Variants in TECRL observed in about 807,000 individuals in gnomAD.
The protein encoded by TECRL is trans-2,3-enoyl-CoA reductase like.
Under a neutral mutation model 52.8 loss-of-function variants are expected in TECRL, and 63 were observed. That is an observed-to-expected ratio of 1.19 (90% confidence interval 0.97 to 1.47). The LOEUF (loss-of-function observed/expected upper bound fraction) is 1.47. Among genes scored for constraint, TECRL ranks in the 40% most tolerant of loss-of-function variants. The probability of loss-of-function intolerance (pLI) is 0.00; values close to 1 mark genes in which losing one functional copy is unlikely to be tolerated. For missense variants in TECRL, 482 were observed against 429.6 expected (o/e 1.12, Z -1.08); for synonymous variants, 164 against 141.9 (o/e 1.16, Z -1.10).
chr4:64,395,786 T>C (rs576757044), intron 1 of TECRL, among the ~76,000 whole-genome samples: 13 of 152,210 alleles, frequency 8.5e-5, no homozygotes, highest in Admixed American at 5.2e-4. Flanking sequence ...GTAATAAACA[T>C]AGTAGCCAAT....
intron 1 of TECRL, among the ~76,000 whole-genome samples, chr4:64,396,587 T>C (rs1723971747): frequency 6.6e-6 from 1 of 152,180 alleles, no homozygotes; most frequent in Non-Finnish European, 1.5e-5. Context: ...ACAAACACTT[T>C]CTTCCTTCCT....
chr4:64,308,012 C>G (rs1391759416), intron 6 of TECRL, among the ~76,000 whole-genome samples: 2 of 152,048 alleles, frequency 1.3e-5, no homozygotes, highest in Non-Finnish European at 2.9e-5. Flanking sequence ...CATGAGAATC[C>G]CTCTGCCTTT....
intron 2 of TECRL, among the ~76,000 whole-genome samples, chr4:64,374,307 G>A (rs1722218623): frequency 6.7e-6 from 1 of 150,340 alleles, no homozygotes; most frequent in Non-Finnish European, 1.5e-5. Flanking sequence ...TAAATTTTAG[G>A]TACATTCACC....
intron 2 of TECRL, among the ~76,000 whole-genome samples, chr4:64,356,436 A>C (rs967482406): frequency 1.3e-5 from 2 of 152,148 alleles, no homozygotes; most frequent in Non-Finnish European, 1.5e-5. Flanking sequence ...CAATTCTGAG[A>C]TAGGAGAAAA....
intron 2 of TECRL, among the ~76,000 whole-genome samples, chr4:64,356,736 A>C (rs1258287561): frequency 3.3e-5 from 5 of 152,308 alleles, no homozygotes; most frequent in East Asian, 3.9e-4. Flanking sequence ...CAGGTCCTCC[A>C]TATGCTAGGT....
intron 2 of TECRL, among the ~76,000 whole-genome samples, chr4:64,344,251 T>G (rs553802878): frequency 2.0e-5 from 3 of 152,162 alleles, no homozygotes; most frequent in East Asian, 3.9e-4. Context: ...TCTATTTATA[T>G]CTCTATATAA....
chr4:64,340,963 C>T (rs1719530684), intron 2 of TECRL, among the ~76,000 whole-genome samples: 1 of 152,146 alleles, frequency 6.6e-6, no homozygotes, highest in Non-Finnish European at 1.5e-5. Context: ...CTCCTTTTTG[C>T]TGAGAGCTTG....
chr4:64,374,625 T>C (rs2109677094), intron 2 of TECRL, among the ~76,000 whole-genome samples: 1 of 151,196 alleles, frequency 6.6e-6, no homozygotes, highest in South Asian at 2.1e-4. Flanking sequence ...TGTGTTCTCA[T>C]TGTTCAATTC....
chr4:64,373,064 T>C (rs888702216), intron 2 of TECRL, among the ~76,000 whole-genome samples: 1 of 151,736 alleles, frequency 6.6e-6, no homozygotes. Context: ...CTTTCAAAAA[T>C]TGGCAAATAC....
intron 2 of TECRL, among the ~76,000 whole-genome samples, chr4:64,372,549 C>T (rs1026118650): frequency 5.3e-5 from 8 of 151,508 alleles, no homozygotes; most frequent in Non-Finnish European, 1.0e-4. Flanking sequence ...CTTGGAAGAA[C>T]ATTAAGATTG....
At chr4:64,305,114 T>A (rs779211215) in intron 7 of TECRL, 52 bp downstream of exon 7, 2 of 1,334,464 alleles carry the variant, frequency 1.5e-6, no homozygotes, top group Middle Eastern at 1.9e-4. Flanking sequence ...TAGAATAGAG[T>A]TTTTAGGTTG....
At chr4:64,351,073 A>T (rs1200521843) in intron 2 of TECRL, among the ~76,000 whole-genome samples, 1 of 62,046 alleles carries the variant, frequency 1.6e-5, no homozygotes, top group Non-Finnish European at 4.4e-5. Flanking sequence ...TCTCACTCAT[A>T]TTTAGAAACT....
intron 4 of TECRL, among the ~76,000 whole-genome samples, chr4:64,317,700 G>A (rs181094975): frequency 1.4e-4 from 22 of 152,164 alleles, no homozygotes; most frequent in Admixed American, 5.9e-4. Context: ...ATATAATGGA[G>A]ATTTCTATTC....
chr4:64,286,535 A>T (rs1577800969), intron 9 of TECRL, among the ~76,000 whole-genome samples: 1 of 89,978 alleles, frequency 1.1e-5, no homozygotes, highest in South Asian at 4.2e-4. Context: ...TTTAGAACGT[A>T]AAAAAAAAAA....
intron 2 of TECRL, among the ~76,000 whole-genome samples, chr4:64,332,802 A>G (rs1187659421): frequency 6.6e-6 from 1 of 152,156 alleles, no homozygotes; most frequent in Non-Finnish European, 1.5e-5. Context: ...AAGCAAAGAG[A>G]GATAAATATG....
intron 8 of TECRL, among the ~76,000 whole-genome samples, chr4:64,292,091 T>C (rs1221122053): frequency 6.6e-6 from 1 of 151,984 alleles, no homozygotes; most frequent in African/African-American, 2.4e-5. Flanking sequence ...ATAATTTCCT[T>C]TTAGGTAAAG....
At chr4:64,299,376 T>C (rs1723873392) in intron 8 of TECRL, 1 of 151,106 alleles carries the variant, frequency 6.6e-6, no homozygotes, top group Admixed American at 6.6e-5. Flanking sequence ...TGAACACAGA[T>C]GAAAGCAAGG....
Position 64,309,848 on chromosome 4 carries a change from G to T in TECRL, c.635C>A (p.Thr212Lys). 6.2e-7 allele frequency: 1 copy of T among 1,609,242 alleles called. No individual in the cohort carries two copies. Among genetic ancestry groups the T allele is most frequent in the Non-Finnish European group, 8.5e-7 (1 of 1,175,966 alleles). Residue 212 changes from threonine (T) to lysine (K), a missense_variant, in exon 6 of 12, where the codon ACA becomes AAA. Physicochemically the swap from Thr to Lys is moderately conservative, Grantham distance 78. Transcript: ENST00000381210. ...LFVHKVSAGH[T>K]PLKNLIMSCA... Reference sequence around the variant, plus strand: ...CACCATTATCAAATTTTTCAAAGGTGTGTGTCCTGCAGAAACTTTGTGAAC... The same window carrying T: ...CACCATTATCAAATTTTTCAAAGGTTTGTGTCCTGCAGAAACTTTGTGAAC...
chr4:64,324,772 A>G (rs1374644599), intron 3 of TECRL, among the ~76,000 whole-genome samples: 1 of 150,894 alleles, frequency 6.6e-6, no homozygotes, highest in Non-Finnish European at 1.5e-5. Context: ...AAATACATAC[A>G]TATATATACA....
Sources: allele counts gnomAD v4.1 joint callset (sites outside exome capture counted in the v4.1 genomes callset), GRCh38; gene constraint gnomAD v4.1.1; transcripts MANE v1.5; gene names NCBI Gene and HGNC (gene_info 2026-07-23, HGNC 2026-07-21).